Variants in GPAT2 observed in about 807,000 individuals in gnomAD.
GPAT2 encodes the protein glycerol-3-phosphate acyltransferase 2, mitochondrial.
In GPAT2, 51 loss-of-function variants were observed where a neutral mutation model predicts 71.0. That is an observed-to-expected ratio of 0.72 (90% CI 0.57 to 0.91). The LOEUF (loss-of-function observed/expected upper bound fraction) is 0.91. Among genes scored for constraint, GPAT2 ranks in the 40% least tolerant of loss-of-function variants. The pLI, the probability that GPAT2 is intolerant of heterozygous loss-of-function variation, is 0.00. For synonymous variants in GPAT2, 222 were observed against 290.3 expected (o/e 0.76, Z 2.39); for missense variants, 511 against 666.0 (o/e 0.77, Z 2.56).
rs1340982195 is a variant in GPAT2 at position 96,024,783 on chromosome 2, T to A, written c.1418A>T (p.Lys473Met). Residue 473 changes from lysine to methionine, a missense_variant, in exon 14 of 22, where the codon AAG (lysine) becomes ATG (methionine). Coordinates refer to ENST00000434632, the MANE Select transcript of GPAT2 (RefSeq NM_001321527.2). ...CATTGCACCCCCTACCTTCTGATGC[T>A]TGAAGAGCAGCAGCGTTGCCATAAT... is the stretch of plus-strand genomic sequence containing the variant. ...TAIMATLLLF[K>M]HQKGVFLSQL... The A allele has an allele frequency of 6.2e-7, 1 of 1,613,944 alleles. No individual in the cohort carries two copies. Among genetic ancestry groups the A allele is most frequent in the African/African-American group, 1.3e-5 (1 of 75,012 alleles).
chr2:96,025,519 G>C lies in GPAT2; in HGVS notation c.1323C>G (p.Leu441=), dbSNP rs558838979. 1 of 1,558,476 alleles carries C rather than the reference G, an allele frequency of 6.4e-7. No homozygotes were observed. The highest frequency in any genetic ancestry group is 2.3e-5 in the East Asian group (1 of 43,840). The change falls in exon 13 of 22, where the codon CTC becomes CTG. Residue 441 remains leucine (L), a synonymous_variant. Coordinates refer to ENST00000434632, the MANE Select transcript of GPAT2 (RefSeq NM_001321527.2). ...CATGACAGCTCAGTCTCCTGACCAGGAGCTGGTCCTCTTCCTTGAGGGCCA... is the reference window on the plus strand; with the variant it reads ...CATGACAGCTCAGTCTCCTGACCAGCAGCTGGTCCTCTTCCTTGAGGGCCA... ...PLLALKEEDQ[L]LVRRLSCHVL... is the part of the protein sequence containing the mutation.
rs111641431 is a variant in GPAT2 at position 96,023,885 on chromosome 2, C to T, written c.1914+38G>A. The T allele has an allele frequency of 5.5e-3, 8,483 of 1,550,930 alleles. 34 individuals carry two copies. Among genetic ancestry groups the T allele is most frequent in the Non-Finnish European group, 6.1e-3 (6,970 of 1,147,106 alleles). ...GGGTGGGAGGCTGGAGGAGGCCAGGCTCCAGGCAAGGATCTTGTCTCCAAC... is the reference window on the plus strand; with the variant it reads ...GGGTGGGAGGCTGGAGGAGGCCAGGTTCCAGGCAAGGATCTTGTCTCCAAC... On this transcript the variant is annotated intron_variant, in intron 17 of 21. Coordinates refer to ENST00000434632, the MANE Select transcript of GPAT2 (RefSeq NM_001321527.2).
At chr2:96,025,331 G>A in intron 13 of GPAT2, 154 bp downstream of exon 13, 1 of 1,036,790 alleles carries the variant, frequency 9.6e-7, no homozygotes, top group East Asian at 2.8e-5. Flanking sequence ...CCTCCTGTAG[G>A]AGAAGGGTTC....
chr2:96,023,211 G>C lies in GPAT2; in HGVS notation c.2062C>G (p.His688Asp). 1 of 1,606,860 alleles carries C rather than the reference G, an allele frequency of 6.2e-7. No individual in the cohort carries two copies. The highest frequency in any genetic ancestry group is 8.5e-7 in the Non-Finnish European group (1 of 1,176,836). ...AGGAAAAGAAAGAAATCTGGGCAGT[G>C]TGACTGCTGGCTGAGCTGGAGGGGA... ...GRYFRLSQQS[H>D]CPDFFLFLCR... The change falls in exon 19 of 22, where the codon CAC (histidine) becomes GAC (aspartate). Residue 688 changes from histidine (H) to aspartate (D), a missense_variant. Physicochemically the swap from His to Asp is moderately conservative, Grantham distance 81 (BLOSUM62 -1). Around this residue, in one of 7 missense-constraint regions of GPAT2, gnomAD observed 295 missense variants for 305.5 expected, o/e 0.97. Coordinates refer to ENST00000434632, the MANE Select transcript of GPAT2 (RefSeq NM_001321527.2).
intron 10 of GPAT2, 164 bp downstream of exon 10, chr2:96,026,533 T>C: frequency 3.9e-6 from 1 of 253,510 alleles, no homozygotes; most frequent in Non-Finnish European, 6.5e-6. Context: ...AATGAGATGA[T>C]GGTAATGGCC....
rs745530814 is a variant in GPAT2 at position 96,024,860 on chromosome 2, G to C, written c.1358-17C>G. The C allele has an allele frequency of 1.9e-6, 3 of 1,612,102 alleles. No individual in the cohort carries two copies. The highest frequency in any genetic ancestry group is 2.2e-5 in the South Asian group (2 of 91,008). ...CTACACTGGCTGGAGTGGGGCGGGG[G>C]GTGGAGATGCTGGTCAGGTTGAGGC... On this transcript the variant is annotated splice_polypyrimidine_tract_variant and intron_variant, in intron 13 of 21. Coordinates refer to ENST00000434632, the MANE Select transcript of GPAT2 (RefSeq NM_001321527.2).
chr2:96,023,009 C>G lies in GPAT2; in HGVS notation c.2182G>C (p.Glu728Gln), dbSNP rs1430380793. 6.2e-7 allele frequency: 1 copy of G among 1,613,856 alleles called. No individual in the cohort carries two copies. The highest frequency in any genetic ancestry group is 2.2e-5 in the East Asian group (1 of 44,904). ...GCCTGCAGGAACTGGAACAGCTGCT[C>G]TGTGTAGCCCAACTCTGCAGAAGAG... ...QLPDTELGYT[E>Q]QLFQFLQATA... The change falls in exon 20 of 22, where the codon GAG (glutamate) becomes CAG (glutamine). Residue 728 changes from glutamate to glutamine, a missense_variant. Transcript: ENST00000434632.
intron 1 of GPAT2, among the ~76,000 whole-genome samples, chr2:96,034,122 A>G (rs1456589806): frequency 2.2e-5 from 3 of 139,096 alleles, no homozygotes; most frequent in Admixed American, 7.3e-5. Flanking sequence ...CTTTGACTAC[A>G]CAACGTGCTA....
rs1234422559 is a variant in GPAT2, at chr2:96,023,979, A to G, written c.1858T>C (p.Tyr620His). Residue 620 changes from tyrosine to histidine, a missense_variant, in exon 17 of 22, where the codon TAC becomes CAC. Around this residue, in one of 7 missense-constraint regions of GPAT2, gnomAD observed 295 missense variants for 305.5 expected, o/e 0.97. Transcript: ENST00000434632. ...AGCCGGTCCAGCACCTCCTGACAGT[A>G]GCAGTAGGAAGACTGGCAGGGCTGG... ...LLKPCQSSYC[Y>H]CQEVLDRLIQ... 5.6e-6 allele frequency: 9 copies of G among 1,604,456 alleles called. No individual in the cohort carries two copies. Among genetic ancestry groups the G allele is most frequent in the South Asian group, 1.1e-5 (1 of 89,150 alleles).
At chr2:96,022,873 T>A in intron 20 of GPAT2, 85 bp downstream of exon 20, 1 of 1,612,218 alleles carries the variant, frequency 6.2e-7, no homozygotes, top group Admixed American at 1.7e-5. Context: ...TTCCTAGAGT[T>A]GGGTTGTCAC....
chr2:96,024,142 C>G (rs1256958559), intron 16 of GPAT2, 47 bp downstream of exon 16: 5 of 1,513,540 alleles, frequency 3.3e-6, no homozygotes, highest in Non-Finnish European at 4.4e-6. Flanking sequence ...TTCCTACCAC[C>G]AAGAGGGGAA....
chr2:96,026,214 CG>C lies in GPAT2; in HGVS notation c.1123del (p.Arg375GlyfsTer4). 6.2e-7 allele frequency: 1 copy of C among 1,611,736 alleles called. No homozygotes were observed. The highest frequency in any genetic ancestry group is 8.5e-7 in the Non-Finnish European group (1 of 1,179,246). ...RWGCSHRICS[R>X]VHLAQPFSLQ... ...GGAAAAGGGCTGAGCTAGGTGCACC[CG>C]GGAGCAGATCCGGTGGCTGCAGCCC... On this transcript the variant is annotated frameshift_variant, in exon 11 of 22. Coordinates refer to ENST00000434632, the MANE Select transcript of GPAT2 (RefSeq NM_001321527.2). LOFTEE classifies it high-confidence loss of function.
chr2:96,024,583 G>A lies in GPAT2; in HGVS notation c.1531C>T (p.Leu511=), dbSNP rs779938581. The part of the protein sequence containing the change: ...VGFSGQLRSL[L]QHSLSLLRAH... The stretch of plus-strand genomic sequence containing the variant: ...CGCAGCAGGCTCAGTGAGTGCTGCA[G>A]CAGGCTCCGCAGCTGCCCAGAGAAG... The change falls in exon 15 of 22, where the codon CTG becomes TTG. Residue 511 remains leucine, a synonymous_variant. Coordinates refer to ENST00000434632, the MANE Select transcript of GPAT2 (RefSeq NM_001321527.2). 4 of 1,613,850 alleles carry A rather than the reference G, an allele frequency of 2.5e-6. No individual in the cohort carries two copies. The highest frequency in any genetic ancestry group is 3.4e-6 in the Non-Finnish European group (4 of 1,179,926).
chr2:96,031,934 A>G lies in GPAT2; in HGVS notation c.177+99T>C, dbSNP rs574325204. Reference sequence around the variant, plus strand: ...ACAGAAGCAGAGGCATGGGGCAGGGAAGAGCCAAGCTTGCAGGGACATAAA... The same window carrying G: ...ACAGAAGCAGAGGCATGGGGCAGGGGAGAGCCAAGCTTGCAGGGACATAAA... On this transcript the variant is annotated intron_variant, in intron 3 of 21. Coordinates refer to ENST00000434632, the MANE Select transcript of GPAT2 (RefSeq NM_001321527.2). The G allele has an allele frequency of 1.2e-5, 16 of 1,354,364 alleles. 1 individual carries two copies. In the East Asian group the frequency reaches 3.8e-4, roughly 32 times the overall value. 83.9% of individuals were successfully genotyped at this position (1,354,364 alleles called of 1,614,324 possible). A position where few individuals can be genotyped will look rare whatever the true frequency, so the allele number is the denominator to read the frequency against.
rs1409458720 is a variant in GPAT2, at chr2:96,025,024, C to T, written c.1358-181G>A. On this transcript the variant is annotated intron_variant, in intron 13 of 21. Coordinates refer to ENST00000434632, the MANE Select transcript of GPAT2 (RefSeq NM_001321527.2). Reference sequence around the variant, plus strand: ...TGAGAGCAGGCCAGGAGCTGGGGGCCTTCCCCTGGATCTCATCGTAGGGCC... The same window carrying T: ...TGAGAGCAGGCCAGGAGCTGGGGGCTTTCCCCTGGATCTCATCGTAGGGCC... 3 of 699,210 alleles carry T rather than the reference C, an allele frequency of 4.3e-6. No homozygotes were observed. In the Admixed American group the frequency reaches 7.0e-5, roughly 16 times the overall value. 43.3% of individuals were successfully genotyped at this position (699,210 alleles called of 1,614,324 possible).
At chr2:96,025,197 A>T (rs1370723645) in intron 13 of GPAT2, 4 of 561,798 alleles carry the variant, frequency 7.1e-6, no homozygotes, top group Middle Eastern at 9.3e-4. Context: ...AAAGCTAAGG[A>T]GACTCCGCTC....
Position 96,022,191 on chromosome 2 carries a change from C to G in GPAT2, c.2374G>C (p.Glu792Gln), listed in dbSNP as rs750293059. 1.9e-6 allele frequency: 3 copies of G among 1,611,040 alleles called. No individual in the cohort carries two copies. Among genetic ancestry groups the G allele is most frequent in the Admixed American group, 1.7e-5 (1 of 59,890 alleles). ...FASLDNQEKL[E>Q]QFIRQFICS ...CAAATGAACTGCCGGATGAACTGTT[C>G]TAGTTTTTCCTGATTGTCCAGGCTG... Residue 792 changes from glutamate to glutamine, a missense_variant, in exon 22 of 22, where the codon GAA becomes CAA. Glu to Gln is a conservative substitution (Grantham distance 29). Transcript: ENST00000434632.
chr2:96,022,906 A>G (rs1553415249), intron 20 of GPAT2, 52 bp downstream of exon 20: 3 of 1,613,224 alleles, frequency 1.9e-6, no homozygotes, highest in Middle Eastern at 3.5e-4. Context: ...GGCAGCAGCC[A>G]CCAGCAAACA....
rs750181188 is a variant in GPAT2 at position 96,025,448 on chromosome 2, A to G, written c.1357+37T>C. ...GACCCCGAGAGGGGACGGTTCAGTG[A>G]CCCACCCGCAAAGGCCCAGATCTGG... On this transcript the variant is annotated intron_variant, in intron 13 of 21. Transcript: ENST00000434632. 2.5e-6 allele frequency: 4 copies of G among 1,572,286 alleles called. No individual in the cohort carries two copies. In the African/African-American group the frequency reaches 4.1e-5, roughly 16 times the overall value.
Sources: allele counts gnomAD v4.1 joint callset (sites outside exome capture counted in the v4.1 genomes callset), GRCh38; gene constraint gnomAD v4.1.1; regional missense constraint gnomAD v4.1.1; transcripts MANE v1.5; gene names NCBI Gene and HGNC (gene_info 2026-07-23, HGNC 2026-07-21).